Variants in SLC14A2 observed in about 807,000 individuals in gnomAD.
The protein encoded by SLC14A2 is urea transporter 2.
Under a neutral mutation model 104.6 loss-of-function variants are expected in SLC14A2, and 91 were observed. That is an observed-to-expected ratio of 0.87 (90% CI 0.73 to 1.04). SLC14A2 has a LOEUF of 1.04. Among genes scored for constraint, SLC14A2 ranks in the 50% least tolerant of loss-of-function variants. SLC14A2 has a pLI of 0.00. For synonymous variants in SLC14A2, 476 were observed against 466.4 expected (o/e 1.02, Z -0.27); for missense variants, 1,189 against 1,156.0 (o/e 1.03, Z -0.41).
intron 1 of SLC14A2, among the ~76,000 whole-genome samples, chr18:45,412,450 G>C (rs960434203): frequency 6.6e-6 from 1 of 152,204 alleles, no homozygotes; most frequent in African/African-American, 2.4e-5. Context: ...GGTCCTGCCA[G>C]GTTGGCTGAT....
chr18:45,600,657 G>T (rs999727078), intron 2 of SLC14A2, among the ~76,000 whole-genome samples: 1 of 152,114 alleles, frequency 6.6e-6, no homozygotes, highest in Non-Finnish European at 1.5e-5. Flanking sequence ...GAAGAGGCTG[G>T]GCAGGTCCTT....
intron 10 of SLC14A2, among the ~76,000 whole-genome samples, chr18:45,660,591 G>A (rs930852412): frequency 6.6e-6 from 1 of 152,146 alleles, no homozygotes; most frequent in African/African-American, 2.4e-5. Context: ...AACCCTACAG[G>A]GTCTGTATAT....
intron 1 of SLC14A2, among the ~76,000 whole-genome samples, chr18:45,406,307 A>G (rs2086154394): frequency 6.6e-6 from 1 of 152,202 alleles, no homozygotes; most frequent in African/African-American, 2.4e-5. Flanking sequence ...GCAACTCCTC[A>G]TTTGTTAAAA....
intron 10 of SLC14A2, chr18:45,647,159 C>A (rs1442132980): frequency 2.0e-5 from 3 of 152,220 alleles, no homozygotes; most frequent in Admixed American, 2.0e-4. Context: ...TCCTGCTGCA[C>A]TTTAAAATGG....
chr18:45,556,946 C>T (rs558599713), intron 2 of SLC14A2, among the ~76,000 whole-genome samples: 1 of 152,304 alleles, frequency 6.6e-6, no homozygotes, highest in South Asian at 2.1e-4. Flanking sequence ...AGAAGGCATT[C>T]CCACATGTCC....
At chr18:45,606,749 AAAAC>A (rs2044877983) in intron 2 of SLC14A2, among the ~76,000 whole-genome samples, 16 of 40,912 alleles carry the variant, frequency 3.9e-4, no homozygotes, top group Non-Finnish European at 9.0e-4. Flanking sequence ...AAAAAAAAAC[AAAAC>A]AAAAACAAAA....
At chr18:45,427,793 TG>T (rs1247094539) in intron 1 of SLC14A2, among the ~76,000 whole-genome samples, 6 of 152,150 alleles carry the variant, frequency 3.9e-5, no homozygotes, top group Non-Finnish European at 8.8e-5. Context: ...TCCTTGTGTG[TG>T]TTACCAAGAG....
At position 45,305,505 on chromosome 18, in the gene SLC14A2, C is replaced by T. The variant is rs183592953; in HGVS notation, c.-125+92314C>T. 1.8e-3 allele frequency among the ~76,000 whole-genome samples: 276 copies of T among 152,212 alleles called. 1 individual carries two copies. Among genetic ancestry groups the T allele is most frequent in the African/African-American group, 6.3e-3 (263 of 41,526 alleles). On this transcript the variant is annotated intron_variant, in intron 1 of 20. Transcript: ENST00000586448. ...GTTTTATTATTAATATTAGGCTTTT[C>T]TCCCTCTGCATCTCTGACACTTCTC...
intron 1 of SLC14A2, among the ~76,000 whole-genome samples, chr18:45,369,497 G>T (rs759084681): frequency 5.3e-5 from 8 of 152,142 alleles, no homozygotes; most frequent in Non-Finnish European, 1.2e-4. Context: ...CCAAAGATGG[G>T]TATATTATAT....
At chr18:45,653,510 C>A (rs1220192020) in intron 10 of SLC14A2, among the ~76,000 whole-genome samples, 1 of 152,138 alleles carries the variant, frequency 6.6e-6, no homozygotes, top group African/African-American at 2.4e-5. Context: ...GGGGTTGATG[C>A]ATGACCCATC....
chr18:45,358,588 T>A (rs547876907), intron 1 of SLC14A2, among the ~76,000 whole-genome samples: 1 of 152,246 alleles, frequency 6.6e-6, no homozygotes, highest in East Asian at 1.9e-4. Flanking sequence ...CCCCATAATT[T>A]TTTTTAGGAG....
intron 2 of SLC14A2, among the ~76,000 whole-genome samples, chr18:45,515,760 C>T (rs559350120): frequency 6.6e-6 from 1 of 152,208 alleles, no homozygotes; most frequent in Non-Finnish European, 1.5e-5. Context: ...GGCAAAGGAA[C>T]GAATTGGTGC....
chr18:45,675,699 ATATATATATATTT>A (rs1314744579), intron 18 of SLC14A2, among the ~76,000 whole-genome samples: 5 of 62,450 alleles, frequency 8.0e-5, no homozygotes, highest in African/African-American at 3.0e-4. Flanking sequence ...ATATATATAT[ATATATATATATTT>A]TTTTTTTTTT....
chr18:45,567,614 A>C (rs1417471412), intron 2 of SLC14A2, among the ~76,000 whole-genome samples: 1 of 152,148 alleles, frequency 6.6e-6, no homozygotes, highest in Non-Finnish European at 1.5e-5. Flanking sequence ...TAGCCCGGTG[A>C]GTGTGACCAT....
At chr18:45,195,685 T>C in the SLC14A2 span, among the ~76,000 whole-genome samples, 1 of 152,164 alleles carries the variant, frequency 6.6e-6, no homozygotes, top group Non-Finnish European at 1.5e-5. Context: ...CCACTGCGCC[T>C]GGCTGGGAGC....
the SLC14A2 span, among the ~76,000 whole-genome samples, chr18:45,183,507 T>C: frequency 6.6e-6 from 1 of 152,158 alleles, no homozygotes; most frequent in Admixed American, 6.6e-5. Context: ...GTTGATCATG[T>C]TTCTTTAGCC....
chr18:45,541,520 A>G (rs1438510036), intron 2 of SLC14A2, among the ~76,000 whole-genome samples: 1 of 152,268 alleles, frequency 6.6e-6, no homozygotes. Flanking sequence ...GAGGAAGAAC[A>G]GGCTTTCTTA....
rs151102697 is a variant in SLC14A2 at position 45,547,378 on chromosome 18, C to T, written c.-35+64056C>T. On this transcript the variant is annotated intron_variant, in intron 2 of 20. Coordinates refer to the SLC14A2 transcript ENST00000586448. ...GTGTCCAAGCCCTTTCCCTCCAATG[C>T]CCTTCCAGTCTGTCTTACCCTGCAG... 2.0e-3 allele frequency among the ~76,000 whole-genome samples: 312 copies of T among 152,260 alleles called. 1 individual carries two copies. Among genetic ancestry groups the T allele is most frequent in the Middle Eastern group, 0.014 (4 of 294 alleles).
chr18:45,618,667 CT>C (rs1408654121), intron 1 of SLC14A2, among the ~76,000 whole-genome samples: 64 of 64,228 alleles, frequency 1.0e-3, no homozygotes, highest in Non-Finnish European at 1.3e-3. Flanking sequence ...GAAACTCTGT[CT>C]CAAAAAAAAA....
Sources: allele counts gnomAD v4.1 joint callset (sites outside exome capture counted in the v4.1 genomes callset), GRCh38; gene constraint gnomAD v4.1.1; transcripts MANE v1.5; gene names NCBI Gene and HGNC (gene_info 2026-07-23, HGNC 2026-07-21).